The following PCDHGA5 variants were observed in gnomAD, a reference collection of about 807,000 sequenced individuals.
PCDHGA5 encodes protocadherin gamma subfamily A, 5, also known as protocadherin gamma-A5.
Under a neutral mutation model 56.7 loss-of-function variants are expected in PCDHGA5, and 36 were observed. The observed-to-expected ratio is 0.64, with a 90% CI of 0.49 to 0.84. The LOEUF is 0.84. Among genes scored for constraint, PCDHGA5 ranks in the 40% least tolerant of loss-of-function variants. PCDHGA5 has a pLI of 0.00. For missense variants in PCDHGA5, 1,305 were observed against 1,201.5 expected, an observed-to-expected ratio of 1.09 and a Z score of -1.27; for synonymous variants, 563 against 520.2, an observed-to-expected ratio of 1.08 and a Z score of -1.12.
intron 1 of PCDHGA5, among the ~76,000 whole-genome samples, chr5:141,453,310 T>C (rs566320120): frequency 6.6e-6 from 1 of 152,044 alleles, no homozygotes; most frequent in South Asian, 2.1e-4. Context: ...TTTATTTATT[T>C]ATTTTAGAGA....
intron 1 of PCDHGA5, chr5:141,385,554 T>C (rs2090283366): frequency 7.6e-7 from 1 of 1,314,354 alleles, no homozygotes; most frequent in Non-Finnish European, 9.7e-7. Context: ...TATCACATTT[T>C]ATAATTTCCA....
At chr5:141,414,458 C>T (rs2095749873) in intron 1 of PCDHGA5, 9 of 1,613,698 alleles carry the variant, frequency 5.6e-6, no homozygotes, top group Non-Finnish European at 6.8e-6. Flanking sequence ...ACAGTGACAG[C>T]CACAGATGGG....
At chr5:141,404,097 T>C in intron 1 of PCDHGA5, 1 of 1,613,584 alleles carries the variant, frequency 6.2e-7, no homozygotes, top group Non-Finnish European at 8.5e-7. Flanking sequence ...AATGGTCAAG[T>C]TGTCTGTTCT....
At chr5:141,423,139 G>T (rs2096713828) in intron 1 of PCDHGA5, 4 of 1,613,498 alleles carry the variant, frequency 2.5e-6, no homozygotes, top group Non-Finnish European at 3.4e-6. Flanking sequence ...GGACAGAGAC[G>T]CGCTCAAGCA....
chr5:141,427,807 A>T (rs1443881781), intron 1 of PCDHGA5: 2 of 1,521,932 alleles, frequency 1.3e-6, no homozygotes, highest in East Asian at 2.3e-5. Flanking sequence ...GTGAGCGCAC[A>T]GAGCGGGGTG....
intron 1 of PCDHGA5, among the ~76,000 whole-genome samples, chr5:141,438,587 C>CATAT (rs1372372472): frequency 2.7e-5 from 2 of 73,430 alleles, no homozygotes; most frequent in Non-Finnish European, 5.2e-5. Context: ...TACATACATA[C>CATAT]ATACATATAT....
At chr5:141,445,118 G>A (rs964726987) in intron 1 of PCDHGA5, among the ~76,000 whole-genome samples, 1 of 152,148 alleles carries the variant, frequency 6.6e-6, no homozygotes, top group Non-Finnish European at 1.5e-5. Flanking sequence ...ATTGTAAATA[G>A]TATTTTTAAA....
At chr5:141,427,722 G>C (rs755543438) in intron 1 of PCDHGA5, 7 of 1,120,986 alleles carry the variant, frequency 6.2e-6, no homozygotes, top group Non-Finnish European at 9.3e-6. Context: ...CCTGGACCTA[G>C]GGCTGAATGG....
At chr5:141,403,348 G>C (rs1031512427) in intron 1 of PCDHGA5, 2 of 1,614,052 alleles carry the variant, frequency 1.2e-6, no homozygotes, top group Middle Eastern at 1.6e-4. Flanking sequence ...GCGCCCCAAA[G>C]TTCCAGGCCG....
chr5:141,494,197 C>T (rs73794924), intron 1 of PCDHGA5, among the ~76,000 whole-genome samples: 1,654 of 152,242 alleles, frequency 0.011, 27 homozygotes, highest in African/African-American at 0.037. Flanking sequence ...CTTGGATGCC[C>T]CGCAAAGGCC....
Position 141,497,143 on chromosome 5 carries a change from G to GA in PCDHGA5, c.2480+2287dup, listed in dbSNP as rs928640875. ...AGAGGTTGCAGTGAGCTGAGATCAC[G>GA]AAAAAAAAATAATCTAGCCACAAAT... On this transcript the variant is annotated intron_variant, in intron 2 of 3. Coordinates refer to ENST00000518069, the MANE Select transcript of PCDHGA5 (RefSeq NM_018918.3). 1.3e-3 allele frequency among the ~76,000 whole-genome samples: 194 copies of GA among 150,104 alleles called. 4 individuals are homozygous for GA. The highest frequency in any genetic ancestry group is 7.6e-3 in the Admixed American group (115 of 15,100).
At chr5:141,410,196 C>T (rs773310778) in intron 1 of PCDHGA5, 3 of 1,613,984 alleles carry the variant, frequency 1.9e-6, no homozygotes, top group East Asian at 4.5e-5. Context: ...CTGGTCTTCG[C>T]AGACAACTTG....
intron 1 of PCDHGA5, among the ~76,000 whole-genome samples, chr5:141,460,922 ATATGTGTGTGTG>A: frequency 6.6e-6 from 1 of 151,042 alleles, no homozygotes; most frequent in Non-Finnish European, 1.5e-5. Context: ...GTATATATAT[ATATGTGTGTGTG>A]TATATATATG....
chr5:141,394,316 G>C (rs779061595), intron 1 of PCDHGA5: 1 of 1,613,976 alleles, frequency 6.2e-7, no homozygotes, highest in African/African-American at 1.3e-5. Context: ...GGGCGCCCCT[G>C]TCCTCGTATA....
intron 1 of PCDHGA5, among the ~76,000 whole-genome samples, chr5:141,435,451 CTGTA>C: frequency 6.6e-6 from 1 of 152,258 alleles, no homozygotes; most frequent in Non-Finnish European, 1.5e-5. Context: ...AATACGATAT[CTGTA>C]TGTGTTTCCA....
At chr5:141,384,337 G>C (rs370533196) in intron 1 of PCDHGA5, 2 of 1,613,832 alleles carry the variant, frequency 1.2e-6, no homozygotes, top group Non-Finnish European at 1.7e-6. Flanking sequence ...ACAGGACCAC[G>C]ACAGTGAGGA....
intron 1 of PCDHGA5, among the ~76,000 whole-genome samples, chr5:141,386,181 G>C (rs908249495): frequency 3.3e-5 from 5 of 152,138 alleles, no homozygotes; most frequent in Non-Finnish European, 5.9e-5. Flanking sequence ...ACCATCTTAT[G>C]TACACAGATC....
At chr5:141,375,170 G>A in intron 1 of PCDHGA5, 2 of 1,613,964 alleles carry the variant, frequency 1.2e-6, no homozygotes, top group Admixed American at 1.7e-5. Context: ...TGCACCTCCA[G>A]GAACAGTAAT....
At chr5:141,384,149 T>G (rs1361199282) in intron 1 of PCDHGA5, 1 of 1,613,252 alleles carries the variant, frequency 6.2e-7, no homozygotes, top group Non-Finnish European at 8.5e-7. Flanking sequence ...ACACTCTCTT[T>G]GTATAACATC....
Sources: gnomAD v4.1 joint callset for allele counts (sites outside exome capture counted in the v4.1 genomes callset) on GRCh38, gnomAD v4.1.1 for gene constraint, MANE v1.5 for transcripts, NCBI Gene and HGNC (gene_info 2026-07-23, HGNC 2026-07-21) for gene names.